Variants in RALYL observed in about 807,000 individuals in gnomAD.
The protein encoded by RALYL is RNA-binding Raly-like protein.
In RALYL, 29 loss-of-function variants were observed where a neutral mutation model predicts 35.1. The observed-to-expected ratio is 0.83, with a 90% CI of 0.61 to 1.13. The LOEUF is 1.13. Ranked by LOEUF, RALYL falls within the 50% of genes most tolerant of loss-of-function variation. RALYL has a pLI of 0.00. For missense variants in RALYL, 359 were observed against 360.4 expected, an observed-to-expected ratio of 1.00 and a Z score of 0.03; for synonymous variants, 120 against 127.6, an observed-to-expected ratio of 0.94 and a Z score of 0.40.
At chr8:84,565,241 C>T (rs1383305078) in intron 2 of RALYL, among the ~76,000 whole-genome samples, 2 of 151,494 alleles carry the variant, frequency 1.3e-5, no homozygotes, top group Non-Finnish European at 3.0e-5. Flanking sequence ...GAAGCTCAAC[C>T]ACTTATAAAT....
At chr8:84,463,114 T>G (rs1375745161) in intron 1 of RALYL, among the ~76,000 whole-genome samples, 1 of 151,998 alleles carries the variant, frequency 6.6e-6, no homozygotes, top group Non-Finnish European at 1.5e-5. Context: ...TCACTCTTTC[T>G]CATAGTTTAG....
intron 1 of RALYL, among the ~76,000 whole-genome samples, chr8:84,295,645 G>C (rs542144372): frequency 1.3e-5 from 2 of 152,144 alleles, no homozygotes; most frequent in South Asian, 2.1e-4. Flanking sequence ...TGTGGGAGTA[G>C]ACAGTTTTTG....
At chr8:84,184,961 G>A in intron 1 of RALYL, 2 of 1,613,394 alleles carry the variant, frequency 1.2e-6, no homozygotes, top group South Asian at 1.1e-5. Flanking sequence ...GGATGGCACC[G>A]GCCCTCGCAC....
At chr8:84,881,719 ATACT>A (rs1156229725) in intron 7 of RALYL, among the ~76,000 whole-genome samples, 5 of 151,936 alleles carry the variant, frequency 3.3e-5, no homozygotes, top group Admixed American at 3.3e-4. Flanking sequence ...TTAAACAGAA[ATACT>A]TACCTGTAAT....
intron 1 of RALYL, among the ~76,000 whole-genome samples, chr8:84,278,368 T>G (rs1246263211): frequency 6.6e-6 from 1 of 152,138 alleles, no homozygotes; most frequent in Non-Finnish European, 1.5e-5. Context: ...CAATAAACCA[T>G]TTTTCCTCCT....
intron 6 of RALYL, chr8:84,872,525 T>G (rs1840391738): frequency 6.6e-6 from 1 of 152,210 alleles, no homozygotes; most frequent in Non-Finnish European, 1.5e-5. Context: ...AGTAGGCTAT[T>G]TATTGTTGTT....
intron 4 of RALYL, among the ~76,000 whole-genome samples, chr8:84,835,502 T>TA (rs35745516): frequency 0.38 from 36,035 of 95,982 alleles, 6,543 homozygotes; most frequent in South Asian, 0.45. Flanking sequence ...CTGTCTCTAC[T>TA]AAAAAAAAAA....
chr8:84,691,570 A>C (rs114749288), intron 2 of RALYL, among the ~76,000 whole-genome samples: 2,170 of 152,130 alleles, frequency 0.014, 62 homozygotes, highest in African/African-American at 0.049. Context: ...CCATTTAATT[A>C]AAGAAAGAGC....
At chr8:84,222,059 G>A (rs1328932958) in intron 1 of RALYL, among the ~76,000 whole-genome samples, 1 of 152,022 alleles carries the variant, frequency 6.6e-6, no homozygotes, top group African/African-American at 2.4e-5. Context: ...AGTAAAATTA[G>A]CATTGCTTAA....
intron 1 of RALYL, among the ~76,000 whole-genome samples, chr8:84,428,104 TCTCACACACACACACA>T (rs1481133688): frequency 1.1e-4 from 15 of 131,758 alleles, no homozygotes; most frequent in Non-Finnish European, 1.9e-4. Flanking sequence ...TCTCTCTCTC[TCTCACACACACACACA>T]CACACACACA....
intron 8 of RALYL, among the ~76,000 whole-genome samples, chr8:84,896,984 C>A (rs889697655): frequency 2.6e-5 from 4 of 151,988 alleles, no homozygotes; most frequent in Non-Finnish European, 4.4e-5. Flanking sequence ...ATGAAATGTA[C>A]CAAAAAGTGT....
chr8:84,253,176 GTTTTTTTTTTTTTTTTTTT>G (rs764942491), intron 1 of RALYL, among the ~76,000 whole-genome samples: 2 of 52,822 alleles, frequency 3.8e-5, no homozygotes, highest in South Asian at 1.3e-3. Context: ...TAGTTCTGCA[GTTTTTTTTTTTTTTTTTTT>G]TTTTTTTTTT....
At chr8:84,900,824 TA>T (rs1405474444) in intron 8 of RALYL, among the ~76,000 whole-genome samples, 1 of 152,076 alleles carries the variant, frequency 6.6e-6, no homozygotes, top group Non-Finnish European at 1.5e-5. Flanking sequence ...TGGATGAAGT[TA>T]AAAAAGCAAG....
intron 1 of RALYL, among the ~76,000 whole-genome samples, chr8:84,192,447 T>C (rs776675950): frequency 6.6e-6 from 1 of 152,322 alleles, no homozygotes; most frequent in South Asian, 2.1e-4. Context: ...AGTCAAATTT[T>C]GGTAGAATTG....
intron 2 of RALYL, among the ~76,000 whole-genome samples, chr8:84,757,989 G>A (rs917250472): frequency 1.3e-5 from 2 of 152,090 alleles, no homozygotes; most frequent in African/African-American, 4.8e-5. Context: ...AAAACTAGAG[G>A]TTAATTGCCT....
chr8:84,694,527 A>T (rs1449267432), intron 2 of RALYL, among the ~76,000 whole-genome samples: 2 of 151,964 alleles, frequency 1.3e-5, no homozygotes, highest in Non-Finnish European at 2.9e-5. Flanking sequence ...TTAAATGACT[A>T]CTCAAAGCAA....
At chr8:84,234,205 G>A (rs1223288370) in intron 1 of RALYL, among the ~76,000 whole-genome samples, 1 of 152,118 alleles carries the variant, frequency 6.6e-6, no homozygotes, top group Non-Finnish European at 1.5e-5. Flanking sequence ...CAAGAGTCTA[G>A]TCACTGCTAA....
At chr8:84,653,984 A>G (rs115147251) in intron 2 of RALYL, among the ~76,000 whole-genome samples, 1,526 of 151,126 alleles carry the variant, frequency 0.01, 22 homozygotes, top group African/African-American at 0.035. Context: ...AGGTAAGCCC[A>G]TTGAGAACAA....
chr8:84,194,752 C>G (rs1375766160), intron 1 of RALYL, among the ~76,000 whole-genome samples: 1 of 152,082 alleles, frequency 6.6e-6, no homozygotes. Flanking sequence ...CTGAGAAATG[C>G]TTAGTCAGAT....
Sources: allele counts gnomAD v4.1 joint callset (sites outside exome capture counted in the v4.1 genomes callset), GRCh38; gene constraint gnomAD v4.1.1; transcripts MANE v1.5; gene names NCBI Gene and HGNC (gene_info 2026-07-23, HGNC 2026-07-21).